EXOC4: variants seen among roughly 807,000 people sequenced by gnomAD.
EXOC4 encodes exocyst complex component 4, also known as SEC8-like 1.
In EXOC4, 71 loss-of-function variants were observed where a neutral mutation model predicts 107.2. That is an observed-to-expected ratio of 0.66 (90% CI 0.55 to 0.81). The LOEUF is 0.81. EXOC4 is among the 30% of genes least tolerant of loss of function. The pLI is 0.00. For missense variants in EXOC4, 1,108 were observed against 1,189.6 expected, an observed-to-expected ratio of 0.93 and a Z score of 1.01; for synonymous variants, 456 against 441.2, an observed-to-expected ratio of 1.03 and a Z score of -0.42.
intron 9 of EXOC4, among the ~76,000 whole-genome samples, chr7:133,577,963 T>C (rs1048016570): frequency 2.6e-5 from 4 of 152,160 alleles, no homozygotes; most frequent in Admixed American, 2.0e-4. Flanking sequence ...TAAGTCAGTG[T>C]TCATTATCAC....
chr7:134,099,219 A>G, the EXOC4 span, among the ~76,000 whole-genome samples: 1 of 152,070 alleles, frequency 6.6e-6, no homozygotes, highest in African/African-American at 2.4e-5. Context: ...GGGTGATGGG[A>G]CTCAGGACAT....
chr7:133,484,590 A>G (rs1005318622), intron 9 of EXOC4, among the ~76,000 whole-genome samples: 7 of 152,182 alleles, frequency 4.6e-5, no homozygotes, highest in African/African-American at 1.7e-4. Context: ...CATGACCAAA[A>G]TAAGCTCACA....
chr7:133,449,767 A>T (rs1798299922), intron 7 of EXOC4, among the ~76,000 whole-genome samples: 2 of 128,164 alleles, frequency 1.6e-5, no homozygotes, highest in Admixed American at 7.5e-5. Context: ...TTTTACAAAC[A>T]TTATTTCTGT....
At chr7:133,856,910 C>T (rs932220509) in intron 11 of EXOC4, among the ~76,000 whole-genome samples, 1 of 151,062 alleles carries the variant, frequency 6.6e-6, no homozygotes, top group African/African-American at 2.4e-5. Context: ...ACCATCCTGG[C>T]TAACACGGTG....
intron 17 of EXOC4, among the ~76,000 whole-genome samples, chr7:134,029,001 C>G (rs1262264614): frequency 1.3e-5 from 2 of 152,164 alleles, no homozygotes; most frequent in East Asian, 3.9e-4. Context: ...TCTGAGGAGT[C>G]AGGAGGAACC....
intron 12 of EXOC4, among the ~76,000 whole-genome samples, chr7:133,910,793 C>T (rs1457662668): frequency 6.6e-6 from 1 of 152,140 alleles, no homozygotes. Flanking sequence ...AGCTTGGCTC[C>T]TAGTTTTTGA....
rs552713097 is a variant in EXOC4, at chr7:133,476,008, A to G, written c.1328+535A>G. On this transcript the variant is annotated intron_variant, in intron 8 of 17. Coordinates refer to ENST00000253861, the MANE Select transcript of EXOC4 (RefSeq NM_021807.4). ...TTGGCAACAGCTAATAGTTAATAAT[A>G]TTGATAATAACTTCAATAGTAACAA... Among the ~76,000 whole-genome samples the G allele has an allele frequency of 3.9e-5, 6 of 152,258 alleles. No individual in the cohort carries two copies. The East Asian group carries it at 1.2e-3, about 29-fold the overall frequency.
chr7:133,896,344 A>AT (rs1318421448), intron 12 of EXOC4, among the ~76,000 whole-genome samples: 1 of 152,148 alleles, frequency 6.6e-6, no homozygotes, highest in African/African-American at 2.4e-5. Flanking sequence ...ATGGGAACAA[A>AT]TTATAATCTG....
At position 133,928,371 on chromosome 7, in the gene EXOC4, G is replaced by A. The variant is rs192949752; in HGVS notation, c.2028-9520G>A. On this transcript the variant is annotated intron_variant, in intron 13 of 17. Transcript: ENST00000253861. Reference sequence around the variant, plus strand: ...GCTCTAGTAGCACTGCCGAAAGCCCGTGCCTGCTGTAATCTTGGCCCCACT... The same window carrying A: ...GCTCTAGTAGCACTGCCGAAAGCCCATGCCTGCTGTAATCTTGGCCCCACT... 3.8e-3 allele frequency among the ~76,000 whole-genome samples: 583 copies of A among 152,260 alleles called. 5 individuals are homozygous for A. The highest frequency in any genetic ancestry group is 3.6e-3 in the Non-Finnish European group (244 of 68,030).
intron 9 of EXOC4, among the ~76,000 whole-genome samples, chr7:133,541,781 G>C (rs1246746741): frequency 6.6e-6 from 1 of 151,968 alleles, no homozygotes; most frequent in Non-Finnish European, 1.5e-5. Flanking sequence ...AGTGGATGTT[G>C]GCCTCTATTT....
At chr7:133,843,263 A>G (rs1443300441) in intron 11 of EXOC4, among the ~76,000 whole-genome samples, 1 of 152,120 alleles carries the variant, frequency 6.6e-6, no homozygotes, top group Non-Finnish European at 1.5e-5. Context: ...TTTGGGCAGT[A>G]TGGCCCTTTC....
At chr7:133,281,149 A>G (rs1349493624) in intron 2 of EXOC4, among the ~76,000 whole-genome samples, 1 of 152,142 alleles carries the variant, frequency 6.6e-6, no homozygotes, top group African/African-American at 2.4e-5. Flanking sequence ...GTTTGAAGGT[A>G]ATTTAAAGAT....
chr7:133,999,056 T>C (rs1022090693), intron 15 of EXOC4, among the ~76,000 whole-genome samples: 2 of 152,132 alleles, frequency 1.3e-5, no homozygotes, highest in African/African-American at 4.8e-5. Context: ...AAATCAAGTA[T>C]GCCATTGAGA....
chr7:134,014,114 T>G (rs917449621), intron 17 of EXOC4, among the ~76,000 whole-genome samples: 3 of 152,176 alleles, frequency 2.0e-5, no homozygotes, highest in African/African-American at 7.2e-5. Context: ...AGCCAAAAAG[T>G]ATAAACAGGT....
chr7:133,858,767 G>A (rs1050863373), intron 11 of EXOC4, among the ~76,000 whole-genome samples: 14 of 152,074 alleles, frequency 9.2e-5, no homozygotes, highest in African/African-American at 1.4e-4. Flanking sequence ...ACCCCATGGC[G>A]GTTAATCCAA....
At chr7:134,093,107 G>A in the EXOC4 span, among the ~76,000 whole-genome samples, 3 of 151,916 alleles carry the variant, frequency 2.0e-5, no homozygotes, top group African/African-American at 7.3e-5. Flanking sequence ...GAATGTAAAT[G>A]GTCTAAATGC....
At position 134,038,048 on chromosome 7, in the gene EXOC4, A is replaced by G. The variant is rs538823773; in HGVS notation, c.2688-26243A>G. On this transcript the variant is annotated intron_variant, in intron 17 of 17. Transcript: ENST00000253861. ...CTTTAAAAGGTCAAGACCCAGTGCA[A>G]TCTAGGCCCCCTATACCTACTATGG... 1.8e-4 allele frequency among the ~76,000 whole-genome samples: 27 copies of G among 152,296 alleles called. No homozygotes were observed. The East Asian group carries it at 2.7e-3, about 15-fold the overall frequency.
chr7:133,439,473 G>A (rs1036234871), intron 7 of EXOC4, among the ~76,000 whole-genome samples: 8 of 151,950 alleles, frequency 5.3e-5, no homozygotes, highest in Admixed American at 1.3e-4. Context: ...GTGAGCCACC[G>A]CACCCAGCCC....
intron 10 of EXOC4, among the ~76,000 whole-genome samples, chr7:133,808,553 T>C (rs1042195568): frequency 1.9e-4 from 29 of 152,302 alleles, no homozygotes; most frequent in East Asian, 1.5e-3. Context: ...CTGAGAGCAG[T>C]TGAGAAAGTA....
Sources: allele counts gnomAD v4.1 joint callset (sites outside exome capture counted in the v4.1 genomes callset), GRCh38; gene constraint gnomAD v4.1.1; transcripts MANE v1.5; gene names NCBI Gene and HGNC (gene_info 2026-07-23, HGNC 2026-07-21).